Variants in ADRA1A observed in about 807,000 individuals in gnomAD.
ADRA1A encodes alpha-1A adrenergic receptor.
A neutral mutation model predicts 29.6 loss-of-function variants in ADRA1A; 31 were observed. That is an observed-to-expected ratio of 1.05 (90% CI 0.79 to 1.41). The LOEUF is 1.41. ADRA1A is among the 40% of genes most tolerant of loss of function. The pLI is 0.00. For synonymous variants in ADRA1A, 311 were observed against 254.3 expected, an observed-to-expected ratio of 1.22 and a Z score of -2.12; for missense variants, 619 against 601.1, an observed-to-expected ratio of 1.03 and a Z score of -0.31.
At chr8:26,857,761 C>T (rs1813156878) in intron 2 of ADRA1A, among the ~76,000 whole-genome samples, 1 of 152,204 alleles carries the variant, frequency 6.6e-6, no homozygotes, top group African/African-American at 2.4e-5. Context: ...TAGGGAACTG[C>T]TCCCTTTGTA....
At chr8:26,861,214 C>G (rs1431032371) in intron 2 of ADRA1A, among the ~76,000 whole-genome samples, 1 of 151,944 alleles carries the variant, frequency 6.6e-6, no homozygotes, top group African/African-American at 2.4e-5. Context: ...ATCACATTCT[C>G]CTGATTTTTC....
At chr8:26,845,095 A>C (rs1014426804) in intron 2 of ADRA1A, among the ~76,000 whole-genome samples, 6 of 152,188 alleles carry the variant, frequency 3.9e-5, no homozygotes, top group Non-Finnish European at 1.5e-5. Flanking sequence ...GATAAATTGG[A>C]TGTCATAAAA....
chr8:26,794,086 G>C (rs548525352), intron 2 of ADRA1A, among the ~76,000 whole-genome samples: 1 of 151,898 alleles, frequency 6.6e-6, no homozygotes, highest in Non-Finnish European at 1.5e-5. Context: ...AGTCTATTAA[G>C]TAAAAACAAA....
intron 2 of ADRA1A, among the ~76,000 whole-genome samples, chr8:26,783,592 G>A (rs1237301577): frequency 3.3e-5 from 5 of 152,178 alleles, no homozygotes; most frequent in Admixed American, 2.6e-4. Context: ...GTAAAACCTG[G>A]AAGACCCAAG....
At chr8:26,760,886 G>A (rs1358102950), downstream of ADRA1A, among the ~76,000 whole-genome samples, 2 of 152,158 alleles carry the variant, frequency 1.3e-5, no homozygotes, top group East Asian at 1.9e-4. Context: ...GAATCCTCAG[G>A]GTCATCAACT....
rs760647675 is a variant in ADRA1A at position 26,865,530 on chromosome 8, C to G, written c.-561G>C. 1,015 of 992,718 alleles carry G rather than the reference C, an allele frequency of 1.0e-3. No individual in the cohort carries two copies. The highest frequency in any genetic ancestry group is 1.1e-3 in the Non-Finnish European group (947 of 834,502). 61.5% of individuals were successfully genotyped at this position (992,718 alleles called of 1,614,324 possible). ...GCTGCTCCTGGCCCGCAGTTACCTA[C>G]ATTTTGAGCTGCCCCACCGAAGGCT... On this transcript the variant is annotated 5_prime_UTR_variant, in exon 2 of 3. The change abolishes an upstream ATG in the 5' untranslated region. Transcript: ENST00000380573. The surrounding 1 kb of genome is among the most constrained non-coding windows in gnomAD (Gnocchi z 7.6).
chr8:26,767,056 G>A (rs572157063), downstream of ADRA1A, among the ~76,000 whole-genome samples: 13 of 152,240 alleles, frequency 8.5e-5, no homozygotes, highest in Non-Finnish European at 1.3e-4. Context: ...ATAATCTGGG[G>A]AAATTTTTGA....
At chr8:26,777,094 G>C (rs1295304361) in intron 2 of ADRA1A, among the ~76,000 whole-genome samples, 1 of 152,186 alleles carries the variant, frequency 6.6e-6, no homozygotes, top group Non-Finnish European at 1.5e-5. Flanking sequence ...TTTAAGAGCA[G>C]ACCAGAGTCT....
At chr8:26,762,324 A>G (rs1389180953), downstream of ADRA1A, among the ~76,000 whole-genome samples, 1 of 152,108 alleles carries the variant, frequency 6.6e-6, no homozygotes, top group Non-Finnish European at 1.5e-5. The surrounding 1 kb of genome is among the most constrained non-coding windows in gnomAD (Gnocchi z 4.0). Context: ...AGCAGAGGGT[A>G]AAAGTCATTG....
intron 2 of ADRA1A, among the ~76,000 whole-genome samples, chr8:26,810,214 C>A (rs1409841881): frequency 6.6e-6 from 1 of 152,208 alleles, no homozygotes; most frequent in Non-Finnish European, 1.5e-5. Context: ...AAAAGGGTCA[C>A]CATTCAATTT....
At chr8:26,834,030 T>C (rs1231963424) in intron 2 of ADRA1A, among the ~76,000 whole-genome samples, 1 of 152,188 alleles carries the variant, frequency 6.6e-6, no homozygotes, top group Non-Finnish European at 1.5e-5. Flanking sequence ...AAGTTATTAG[T>C]AGTATGTAAT....
chr8:26,863,004 A>AACAT lies in ADRA1A; in HGVS notation c.883+1079_883+1082dup, dbSNP rs550385760. 5.8e-3 allele frequency among the ~76,000 whole-genome samples: 886 copies of AACAT among 152,106 alleles called. 10 individuals are homozygous for AACAT. Among genetic ancestry groups the AACAT allele is most frequent in the African/African-American group, 0.02 (850 of 41,566 alleles). On this transcript the variant is annotated intron_variant, in intron 2 of 2. Coordinates refer to ENST00000380573, the MANE Select transcript of ADRA1A (RefSeq NM_000680.4). The stretch of plus-strand genomic sequence containing the variant: ...ATAAAAAGCTTAGGAAAATGTCTGG[A>AACAT]ACATAAGTGGCACAAAAAAATAATA...
intron 2 of ADRA1A, among the ~76,000 whole-genome samples, chr8:26,818,498 G>A (rs1328050881): frequency 6.6e-6 from 1 of 152,002 alleles, no homozygotes; most frequent in Non-Finnish European, 1.5e-5. Flanking sequence ...TTACAGATGA[G>A]TTTTACCAAA....
intron 2 of ADRA1A, among the ~76,000 whole-genome samples, chr8:26,826,206 T>C (rs1441627051): frequency 2.6e-5 from 4 of 152,232 alleles, no homozygotes; most frequent in Non-Finnish European, 5.9e-5. Flanking sequence ...CTACAGTAAT[T>C]AATGAAAGTC....
intron 2 of ADRA1A, among the ~76,000 whole-genome samples, chr8:26,856,678 A>G (rs566374685): frequency 1.3e-5 from 2 of 152,306 alleles, no homozygotes; most frequent in South Asian, 2.1e-4. Context: ...CCTCCTTCCC[A>G]GAAAGACCTT....
chr8:26,797,846 G>A (rs28567070), intron 2 of ADRA1A, among the ~76,000 whole-genome samples: 23,290 of 152,124 alleles, frequency 0.15, 1,840 homozygotes, highest in Middle Eastern at 0.24. Context: ...TGGTGTTTAC[G>A]TCAGTACATA....
At chr8:26,834,341 G>A (rs1383921) in intron 2 of ADRA1A, among the ~76,000 whole-genome samples, 31,736 of 152,034 alleles carry the variant, frequency 0.21, 4,022 homozygotes, top group African/African-American at 0.36. Context: ...AGTTTACTTA[G>A]AACTAGACAA....
At chr8:26,837,643 T>A (rs1811479211) in intron 2 of ADRA1A, among the ~76,000 whole-genome samples, 1 of 122,858 alleles carries the variant, frequency 8.1e-6, no homozygotes. Flanking sequence ...AGAGAGAGAC[T>A]CTGTCTCAAA....
chr8:26,811,484 G>A (rs1457151785), intron 2 of ADRA1A, among the ~76,000 whole-genome samples: 1 of 152,152 alleles, frequency 6.6e-6, no homozygotes, highest in African/African-American at 2.4e-5. Context: ...GAGCCACCGC[G>A]TCTGGCCCTC....
Sources: allele counts gnomAD v4.1 joint callset (sites outside exome capture counted in the v4.1 genomes callset), GRCh38; gene constraint gnomAD v4.1.1; non-coding constraint Gnocchi (gnomAD v3.1); transcripts MANE v1.5; gene names NCBI Gene and HGNC (gene_info 2026-07-23, HGNC 2026-07-21).